Variants in ACTR3C observed in about 807,000 individuals in gnomAD.
The protein encoded by ACTR3C is actin related protein 3C.
In ACTR3C, 18 loss-of-function variants were observed where a neutral mutation model predicts 26.3. That is an observed-to-expected ratio of 0.68 (90% confidence interval 0.47 to 1.01). The LOEUF is 1.01. ACTR3C is among the 50% of genes least tolerant of loss of function. ACTR3C has a pLI of 0.00. For synonymous variants in ACTR3C, 55 were observed against 94.5 expected, an observed-to-expected ratio of 0.58 and a Z score of 2.42; for missense variants, 184 against 250.7, an observed-to-expected ratio of 0.73 and a Z score of 1.80.
At chr7:150,016,441 T>C in the ACTR3C span, among the ~76,000 whole-genome samples, 1 of 152,104 alleles carries the variant, frequency 6.6e-6, no homozygotes, top group South Asian at 2.1e-4. Flanking sequence ...ATCTTCCCAT[T>C]AGAGCCCTAA....
At chr7:150,293,959 A>G (rs1437714239) in intron 2 of ACTR3C, among the ~76,000 whole-genome samples, 1 of 152,102 alleles carries the variant, frequency 6.6e-6, no homozygotes, top group African/African-American at 2.4e-5. Context: ...AGAAAGAAAG[A>G]AAAAAAACTA....
At chr7:150,177,025 T>C in the ACTR3C span, among the ~76,000 whole-genome samples, 4 of 150,694 alleles carry the variant, frequency 2.7e-5, 1 homozygote, top group African/African-American at 1.0e-4. Flanking sequence ...ATAGTTTCAG[T>C]TGACCTTTGA....
the ACTR3C span, among the ~76,000 whole-genome samples, chr7:149,999,127 T>C: frequency 1.3e-5 from 2 of 150,726 alleles, no homozygotes; most frequent in Non-Finnish European, 2.9e-5. Flanking sequence ...AGATCCCTGC[T>C]ACCCAGACCC....
At chr7:149,915,128 G>A in the ACTR3C span, among the ~76,000 whole-genome samples, 10 of 152,044 alleles carry the variant, frequency 6.6e-5, no homozygotes, top group Non-Finnish European at 1.2e-4. Context: ...GATCCACCTC[G>A]GCCTCCCAAA....
At chr7:149,927,065 C>CT in the ACTR3C span, among the ~76,000 whole-genome samples, 65,977 of 149,096 alleles carry the variant, frequency 0.44, 15,441 homozygotes, top group Non-Finnish European at 0.53. Context: ...GCCAAATAAA[C>CT]TTTTTTTTTT....
At chr7:150,183,696 C>CAAAA in the ACTR3C span, among the ~76,000 whole-genome samples, 146 of 48,026 alleles carry the variant, frequency 3.0e-3, 7 homozygotes, top group African/African-American at 9.3e-3. Flanking sequence ...GTGGCTATGG[C>CAAAA]AAAAAAAAAA....
chr7:149,994,251 G>A, the ACTR3C span, among the ~76,000 whole-genome samples: 1 of 152,350 alleles, frequency 6.6e-6, no homozygotes, highest in African/African-American at 2.4e-5. Context: ...GAAGAATGAA[G>A]TGGCCATCGA....
chr7:150,125,166 G>A, the ACTR3C span, among the ~76,000 whole-genome samples: 286 of 150,530 alleles, frequency 1.9e-3, 4 homozygotes, highest in South Asian at 0.02. Flanking sequence ...AAGTAATAAC[G>A]TTCTTATTTT....
At chr7:150,047,066 TG>T in the ACTR3C span, among the ~76,000 whole-genome samples, 1 of 150,192 alleles carries the variant, frequency 6.7e-6, no homozygotes, top group Non-Finnish European at 1.5e-5. Context: ...CCACCACCGC[TG>T]GGGGGAAAAA....
chr7:150,138,278 G>T, the ACTR3C span, among the ~76,000 whole-genome samples: 1 of 152,170 alleles, frequency 6.6e-6, no homozygotes, highest in Non-Finnish European at 1.5e-5. Flanking sequence ...AAGCACAAAA[G>T]ACGAGAACTT....
chr7:150,293,342 G>A lies in ACTR3C; in HGVS notation c.123C>T (p.Ser41=), dbSNP rs774908481. The A allele has an allele frequency of 1.3e-5, 21 of 1,599,910 alleles. No individual in the cohort carries two copies. In the East Asian group the frequency reaches 1.6e-4, roughly 12 times the overall value. Residue 41 remains serine, a synonymous_variant, in exon 3 of 8, where the codon AGC becomes AGT. Transcript: ENST00000683684. The stretch of plus-strand genomic sequence containing the variant: ...GGATAACATGGGTGACTCCATCTCC[G>A]CTGTCAATGACTATCCCCGTTAATG... ...ERTLTGIVID[S]GDGVTHVIPV...
intron 6 of ACTR3C, among the ~76,000 whole-genome samples, chr7:150,264,257 A>G (rs543451994): frequency 4.7e-4 from 71 of 152,334 alleles, no homozygotes; most frequent in Non-Finnish European, 7.6e-4. Flanking sequence ...GTGAGCTCCA[A>G]GTGTCCAGCT....
At chr7:150,310,839 TTCCCAGCAGAACACTA>T (rs2129615455) in intron 1 of ACTR3C, among the ~76,000 whole-genome samples, 1 of 152,280 alleles carries the variant, frequency 6.6e-6, no homozygotes, top group Admixed American at 6.5e-5. Flanking sequence ...CTTACCAATC[TTCCCAGCAGAACACTA>T]TCCTACTTCT....
At chr7:150,231,404 T>A in the ACTR3C span, among the ~76,000 whole-genome samples, 1 of 152,006 alleles carries the variant, frequency 6.6e-6, no homozygotes, top group East Asian at 1.9e-4. Flanking sequence ...CCACAAAAGC[T>A]GGTTGTTAAA....
the ACTR3C span, among the ~76,000 whole-genome samples, chr7:150,039,223 AAGAGCCAGTGGGGGAACCAGGGGCTGG>A: frequency 7.1e-6 from 1 of 141,714 alleles, no homozygotes; most frequent in Non-Finnish European, 1.5e-5. Context: ...TGGGGGTCCT[AAGAGCCAGTGGGGGAACCAGGGGCTGG>A]CTCTCAATCT....
At chr7:150,176,339 G>A in the ACTR3C span, among the ~76,000 whole-genome samples, 2 of 150,638 alleles carry the variant, frequency 1.3e-5, 1 homozygote, top group African/African-American at 5.0e-5. Flanking sequence ...TCAAGGATTT[G>A]TTCACCAGAC....
chr7:150,281,256 T>C (rs905237001), intron 6 of ACTR3C, among the ~76,000 whole-genome samples: 13 of 151,954 alleles, frequency 8.6e-5, no homozygotes, highest in African/African-American at 3.2e-4. Context: ...GACTGCGTGC[T>C]CTGCAGAAGT....
At chr7:149,912,984 T>C in the ACTR3C span, among the ~76,000 whole-genome samples, 20 of 152,232 alleles carry the variant, frequency 1.3e-4, no homozygotes, top group Non-Finnish European at 2.9e-5. Flanking sequence ...TGAAGTTTTG[T>C]TACTTTGAAT....
chr7:150,122,621 C>T, the ACTR3C span, among the ~76,000 whole-genome samples: 9 of 152,280 alleles, frequency 5.9e-5, no homozygotes, highest in East Asian at 1.9e-4. Flanking sequence ...GAAATAAGAA[C>T]GCTTTTACAC....
Sources: allele counts gnomAD v4.1 joint callset (sites outside exome capture counted in the v4.1 genomes callset), GRCh38; gene constraint gnomAD v4.1.1; transcripts MANE v1.5; gene names NCBI Gene and HGNC (gene_info 2026-07-23, HGNC 2026-07-21).